Variants in TPM4 observed in about 807,000 individuals in gnomAD.
TPM4 encodes tropomyosin 4, also known as tropomyosin alpha-4 chain.
A neutral mutation model predicts 35.8 loss-of-function variants in TPM4; 17 were observed. The ratio of observed to expected loss-of-function variants is 0.47; its 90% confidence interval spans 0.32 to 0.71. The LOEUF is 0.71. Ranked by LOEUF, TPM4 falls within the 30% of genes least tolerant of loss-of-function variation. The pLI is 0.03. For synonymous variants in TPM4, 120 were observed against 122.9 expected (o/e 0.98, Z 0.15); for missense variants, 240 against 320.9 (o/e 0.75, Z 1.93).
intron 5 of TPM4, among the ~76,000 whole-genome samples, chr19:16,091,805 T>A (rs2090629985): frequency 6.6e-6 from 1 of 152,092 alleles, no homozygotes; most frequent in East Asian, 1.9e-4. Context: ...GGCAAAATAA[T>A]AACTTCACCT....
intron 2 of TPM4, among the ~76,000 whole-genome samples, chr19:16,085,543 G>A (rs902555954): frequency 6.6e-6 from 1 of 152,072 alleles, no homozygotes; most frequent in Non-Finnish European, 1.5e-5. Flanking sequence ...TCCAACCTGG[G>A]CAACAGAGTG....
chr19:16,088,797 G>A lies in TPM4; in HGVS notation c.456-248G>A, dbSNP rs920350459. 5 of 1,263,952 alleles carry A rather than the reference G, an allele frequency of 4.0e-6. No individual in the cohort carries two copies. In the Admixed American group the frequency reaches 1.8e-4, roughly 44 times the overall value. 78.3% of individuals were successfully genotyped at this position (1,263,952 alleles called of 1,614,324 possible). ...AGCCTTACCCTTGGCAAAAGACCAG[G>A]AGTGTTTTCCAAGCCCTCCAAATAC... is the stretch of plus-strand genomic sequence containing the variant. On this transcript the variant is annotated intron_variant, in intron 4 of 7. Transcript: ENST00000643579.
intron 2 of TPM4, among the ~76,000 whole-genome samples, 189 bp downstream of exon 2, chr19:16,082,235 A>G (rs749683948): frequency 6.6e-6 from 1 of 152,212 alleles, no homozygotes; most frequent in Non-Finnish European, 1.5e-5. Flanking sequence ...GTGGCCAGGC[A>G]CGGTGGCTCA....
chr19:16,088,308 C>G, intron 4 of TPM4: 2 of 1,392,640 alleles, frequency 1.4e-6, no homozygotes, highest in South Asian at 1.5e-5. Context: ...ACGTGTTGAC[C>G]CTTTCTGCAA....
intron 2 of TPM4, among the ~76,000 whole-genome samples, chr19:16,085,696 A>G (rs2090542333): frequency 6.6e-6 from 1 of 152,188 alleles, no homozygotes; most frequent in African/African-American, 2.4e-5. Context: ...TAGTTTCTTC[A>G]TTTGTAAAAT....
upstream of TPM4, chr19:16,076,309 T>C: frequency 6.6e-7 from 1 of 1,507,368 alleles, no homozygotes; most frequent in Non-Finnish European, 8.8e-7. Flanking sequence ...TCCAAATAAG[T>C]CCCGAAAAGG....
At position 16,067,678 on chromosome 19, in the gene TPM4, C is replaced by T. The variant is rs1023182025; in HGVS notation, c.54C>T (p.Ala18=). 6.2e-7 allele frequency: 1 copy of T among 1,613,676 alleles called. No individual in the cohort carries two copies. The highest frequency in any genetic ancestry group is 1.7e-5 in the Admixed American group (1 of 59,966). ...TGCTGAAGTTGGACAAGGAGAATGCCATCGACCGCGCGGAGCAGGCGGAGG... is the reference window on the plus strand; with the variant it reads ...TGCTGAAGTTGGACAAGGAGAATGCTATCGACCGCGCGGAGCAGGCGGAGG... The change falls in exon 2 of 3, where the codon GCC becomes GCT. Residue 18 remains alanine, a synonymous_variant. Transcript: ENST00000589897. This position sits in a 1 kb window ranked among gnomAD's most constrained non-coding sequence, Gnocchi z 4.1.
At chr19:16,069,018 C>T (rs1052882948) in intron 2 of TPM4, among the ~76,000 whole-genome samples, 15 of 148,794 alleles carry the variant, frequency 1.0e-4, no homozygotes, top group Non-Finnish European at 1.8e-4. Context: ...GTGAGGGTAG[C>T]GGGACAGGCT....
At chr19:16,087,196 C>T (rs1246073612) in intron 3 of TPM4, among the ~76,000 whole-genome samples, 2 of 152,034 alleles carry the variant, frequency 1.3e-5, no homozygotes, top group East Asian at 3.9e-4. Context: ...GCAGGAGGAT[C>T]GCTTGAACCT....
At chr19:16,081,841 G>C (rs539732786) in intron 1 of TPM4, 72 bp from the exon 2 acceptor site, 2 of 1,494,828 alleles carry the variant, frequency 1.3e-6, no homozygotes, top group Non-Finnish European at 1.8e-6. Context: ...ACAGAGGGCA[G>C]GACATGGGGG....
At chr19:16,094,908 A>G (rs953531355) in intron 7 of TPM4, among the ~76,000 whole-genome samples, 19 of 152,138 alleles carry the variant, frequency 1.2e-4, no homozygotes, top group African/African-American at 4.6e-4. Context: ...CATATAAGGG[A>G]AAATGCCCCA....
Position 16,070,116 on chromosome 19 carries a change from G to A in TPM4, c.114+2378G>A, listed in dbSNP as rs188634957. ...TGAGAATCTCATTGTGTATGTGGGG[G>A]TGTCCCTGCTAAAAGCCTGGAGGCC... On this transcript the variant is annotated intron_variant, in intron 2 of 2. Coordinates refer to the TPM4 transcript ENST00000589897. The surrounding 1 kb of genome is among the most constrained non-coding windows in gnomAD (Gnocchi z 7.4). Among the ~76,000 whole-genome samples, 6 of 152,202 alleles carry A rather than the reference G, an allele frequency of 3.9e-5. No individual in the cohort carries two copies. The East Asian group carries it at 1.2e-3, about 29-fold the overall frequency.
At chr19:16,089,666 C>T (rs553323781) in intron 5 of TPM4, among the ~76,000 whole-genome samples, 2 of 140,144 alleles carry the variant, frequency 1.4e-5, no homozygotes, top group East Asian at 2.5e-4. Context: ...CTCCACCCCC[C>T]ACTTTTTTTT....
intron 5 of TPM4, among the ~76,000 whole-genome samples, chr19:16,092,352 A>T (rs2144952543): frequency 6.6e-6 from 1 of 152,028 alleles, no homozygotes; most frequent in South Asian, 2.1e-4. Context: ...GGTTGGAAAT[A>T]CAGAGGGGGC....
At chr19:16,074,174 A>C (rs2090382972), upstream of TPM4, 1 of 152,184 alleles carries the variant, frequency 6.6e-6, no homozygotes, top group South Asian at 2.1e-4. Context: ...CTTCAAGAAA[A>C]AAAAGAAGAG....
intron 2 of TPM4, among the ~76,000 whole-genome samples, chr19:16,071,101 T>C (rs770102356): frequency 6.6e-6 from 1 of 152,222 alleles, no homozygotes; most frequent in African/African-American, 2.4e-5. Flanking sequence ...AGATGCCCAC[T>C]GGAGTAGACT....
rs748976108 is a variant in TPM4 at position 16,086,513 on chromosome 19, G to C, written c.357G>C (p.Ala119=). The C allele has an allele frequency of 1.9e-6, 3 of 1,613,676 alleles. No homozygotes were observed. The Admixed American group carries it at 5.0e-5, about 27-fold the overall frequency. ...EMQLKEAKHI[A]EEADRKYEEV... is the part of the protein sequence containing the mutation. ...AGCTCAAAGAGGCCAAGCACATTGC[G>C]GAAGAGGCTGACCGCAAATACGAGG... The change falls in exon 3 of 8, where the codon GCG becomes GCC. Residue 119 remains alanine, a synonymous_variant. Transcript: ENST00000643579.
chr19:16,078,177 G>A (rs896227376), intron 1 of TPM4: 3 of 398,676 alleles, frequency 7.5e-6, no homozygotes, highest in Non-Finnish European at 1.3e-5. Flanking sequence ...TTTCTGTGCA[G>A]TTATGGGAGC....
intron 2 of TPM4, among the ~76,000 whole-genome samples, chr19:16,068,967 G>A (rs2090325379): frequency 1.3e-5 from 2 of 152,202 alleles, no homozygotes; most frequent in Admixed American, 6.5e-5. Context: ...GTGAAAGAGT[G>A]TGGGTGTGTT....
Sources: allele counts gnomAD v4.1 joint callset (sites outside exome capture counted in the v4.1 genomes callset), GRCh38; gene constraint gnomAD v4.1.1; non-coding constraint Gnocchi (gnomAD v3.1); transcripts MANE v1.5; gene names NCBI Gene and HGNC (gene_info 2026-07-23, HGNC 2026-07-21).